BCKDHB: variants seen among roughly 807,000 people sequenced by gnomAD.
BCKDHB encodes 2-oxoisovalerate dehydrogenase subunit beta, mitochondrial.
In BCKDHB, 41 loss-of-function variants were observed where a neutral mutation model predicts 48.5. That is an observed-to-expected ratio of 0.85 (90% confidence interval 0.66 to 1.10). The LOEUF is 1.10. Among genes scored for constraint, BCKDHB ranks in the 50% least tolerant of loss-of-function variants. The pLI is 0.00. For synonymous variants in BCKDHB, 201 were observed against 174.8 expected (o/e 1.15, Z -1.18); for missense variants, 496 against 494.2 (o/e 1.00, Z -0.03).
chr6:80,296,486 T>A (rs560219573), intron 9 of BCKDHB, among the ~76,000 whole-genome samples: 1 of 152,270 alleles, frequency 6.6e-6, no homozygotes, highest in South Asian at 2.1e-4. Flanking sequence ...AAAGACAACA[T>A]CACTCCTGTA....
chr6:80,133,567 GAGTGGGAGAGGGC>G (rs1770736830), intron 3 of BCKDHB, among the ~76,000 whole-genome samples: 1 of 152,212 alleles, frequency 6.6e-6, no homozygotes, highest in South Asian at 2.1e-4. Context: ...GGGAAGCAGG[GAGTGGGAGAGGGC>G]AGTTAAAGGT....
At chr6:80,213,466 C>T (rs1459940620) in intron 8 of BCKDHB, among the ~76,000 whole-genome samples, 1 of 152,034 alleles carries the variant, frequency 6.6e-6, no homozygotes, top group Non-Finnish European at 1.5e-5. Context: ...ATGGGAGTTA[C>T]TATTTGTATA....
chr6:80,129,334 G>A (rs1011876626), intron 3 of BCKDHB, 105 bp downstream of exon 3: 3 of 899,486 alleles, frequency 3.3e-6, no homozygotes, highest in Non-Finnish European at 5.4e-6. Context: ...CCCATTGTAT[G>A]GATGAATTCC....
intron 6 of BCKDHB, among the ~76,000 whole-genome samples, chr6:80,192,117 A>G (rs1207204243): frequency 6.6e-6 from 1 of 152,218 alleles, no homozygotes. Context: ...ATAAAAACCC[A>G]TATCTAATTA....
At chr6:80,386,276 C>T in the BCKDHB span, among the ~76,000 whole-genome samples, 1 of 150,842 alleles carries the variant, frequency 6.6e-6, no homozygotes, top group Non-Finnish European at 1.5e-5. Context: ...ATATTTGTTG[C>T]AGCACTATTT....
At chr6:80,144,933 C>T (rs1273658113) in intron 3 of BCKDHB, among the ~76,000 whole-genome samples, 2 of 152,068 alleles carry the variant, frequency 1.3e-5, no homozygotes, top group Non-Finnish European at 2.9e-5. Flanking sequence ...TTTTTTCCAT[C>T]CCACGTTTCA....
rs776940885 is a variant in BCKDHB at position 80,322,238 on chromosome 6, C to CTTTTT, written c.1039-21413_1039-21409dup. Reference sequence around the variant, plus strand: ...CATAGGCGTTTTCTTTCTTTCTTTTCTTTTTTTTTTTTTTTTTGGTGACGG... The same window carrying CTTTTT: ...CATAGGCGTTTTCTTTCTTTCTTTTCTTTTTTTTTTTTTTTTTTTTTTGGTGACGG... On this transcript the variant is annotated intron_variant, in intron 9 of 9. Coordinates refer to ENST00000320393, the MANE Select transcript of BCKDHB (RefSeq NM_183050.4). Among the ~76,000 whole-genome samples, 49 of 116,618 alleles carry CTTTTT rather than the reference C, an allele frequency of 4.2e-4. 1 individual carries two copies. Among genetic ancestry groups the CTTTTT allele is most frequent in the East Asian group, 4.9e-4 (2 of 4,072 alleles). 76.5% of individuals were successfully genotyped at this position (116,618 alleles called of 152,430 possible).
the BCKDHB span, among the ~76,000 whole-genome samples, chr6:80,388,674 A>T: frequency 1.1e-4 from 16 of 152,104 alleles, no homozygotes; most frequent in African/African-American, 3.9e-4. Flanking sequence ...TTCTCCTGCC[A>T]CCCTGCCTTC....
chr6:80,359,755 T>C, the BCKDHB span, among the ~76,000 whole-genome samples: 1 of 152,036 alleles, frequency 6.6e-6, no homozygotes, highest in East Asian at 1.9e-4. Context: ...CCACCACGCC[T>C]GGCTAATTTT....
intron 8 of BCKDHB, among the ~76,000 whole-genome samples, chr6:80,212,264 A>C (rs1774972009): frequency 6.6e-6 from 1 of 152,012 alleles, no homozygotes; most frequent in Admixed American, 6.6e-5. Context: ...GGCGTATCTC[A>C]GTCCTTATCT....
chr6:80,379,270 A>G, the BCKDHB span, among the ~76,000 whole-genome samples: 3 of 152,136 alleles, frequency 2.0e-5, no homozygotes. Context: ...CAGGGAGGCA[A>G]GGATGATTCA....
chr6:80,411,167 C>G, the BCKDHB span, among the ~76,000 whole-genome samples: 1 of 152,198 alleles, frequency 6.6e-6, no homozygotes, highest in Admixed American at 6.5e-5. Flanking sequence ...GATGCTGGTC[C>G]TTTCTGTTTG....
chr6:80,371,795 T>C, the BCKDHB span, among the ~76,000 whole-genome samples: 1 of 152,126 alleles, frequency 6.6e-6, no homozygotes, highest in African/African-American at 2.4e-5. Flanking sequence ...TAACTGTAAG[T>C]ATTTGGGTGG....
At chr6:80,282,268 A>C (rs573894535) in intron 9 of BCKDHB, among the ~76,000 whole-genome samples, 1 of 152,276 alleles carries the variant, frequency 6.6e-6, no homozygotes, top group African/African-American at 2.4e-5. Flanking sequence ...TAAGAGTGGG[A>C]CTGCTTAAAA....
the BCKDHB span, chr6:80,454,168 A>G: frequency 6.6e-6 from 1 of 152,234 alleles, no homozygotes; most frequent in East Asian, 1.9e-4. Context: ...CACTGTGAAC[A>G]TAAGAAGGGA....
chr6:80,434,454 A>AT, the BCKDHB span, among the ~76,000 whole-genome samples: 1 of 151,414 alleles, frequency 6.6e-6, no homozygotes, highest in Non-Finnish European at 1.5e-5. Context: ...ATGTAGGTCT[A>AT]TTTCTTTTTA....
At chr6:80,163,733 C>A (rs1314009839) in intron 3 of BCKDHB, among the ~76,000 whole-genome samples, 1 of 152,198 alleles carries the variant, frequency 6.6e-6, no homozygotes, top group Non-Finnish European at 1.5e-5. Flanking sequence ...AAGTAAACAT[C>A]TCCAAACCTG....
At chr6:80,200,208 G>A (rs1288208743) in intron 6 of BCKDHB, among the ~76,000 whole-genome samples, 1 of 151,906 alleles carries the variant, frequency 6.6e-6, no homozygotes, top group Non-Finnish European at 1.5e-5. Flanking sequence ...TAACTTGGTT[G>A]GGCAGAGAAG....
intron 6 of BCKDHB, among the ~76,000 whole-genome samples, chr6:80,178,613 C>T (rs1039736141): frequency 1.3e-5 from 2 of 152,176 alleles, no homozygotes; most frequent in East Asian, 1.9e-4. Context: ...ATGTGCTAGA[C>T]GCTGGGCTAT....
Sources: allele counts gnomAD v4.1 joint callset (sites outside exome capture counted in the v4.1 genomes callset), GRCh38; gene constraint gnomAD v4.1.1; transcripts MANE v1.5; gene names NCBI Gene and HGNC (gene_info 2026-07-23, HGNC 2026-07-21).